The following IGF2R variants were observed in gnomAD, a reference collection of about 807,000 sequenced individuals.
IGF2R encodes cation-independent mannose-6-phosphate receptor.
Under a neutral mutation model 270.6 loss-of-function variants are expected in IGF2R, and 91 were observed. The ratio of observed to expected loss-of-function variants is 0.34; its 90% CI spans 0.28 to 0.40. The LOEUF is 0.40. Among genes scored for constraint, IGF2R ranks in the 10% least tolerant of loss-of-function variants. IGF2R has a pLI of 1.00. For synonymous variants in IGF2R, 1,316 were observed against 1,258.9 expected (o/e 1.05, Z -0.96); for missense variants, 2,805 against 3,188.3 (o/e 0.88, Z 2.90).
At chr6:159,974,603 G>A (rs748179692) in intron 1 of IGF2R, among the ~76,000 whole-genome samples, 1 of 152,144 alleles carries the variant, frequency 6.6e-6, no homozygotes, top group Non-Finnish European at 1.5e-5. Flanking sequence ...TAAAACTAGT[G>A]ACATTTGACC....
chr6:160,037,817 A>G (rs1478478675), intron 10 of IGF2R, among the ~76,000 whole-genome samples: 3 of 152,160 alleles, frequency 2.0e-5, no homozygotes, highest in Admixed American at 2.0e-4. Flanking sequence ...GCTCTGCTCC[A>G]TGTGGTCATT....
At chr6:159,990,933 C>T (rs9457801) in intron 1 of IGF2R, among the ~76,000 whole-genome samples, 55,983 of 152,054 alleles carry the variant, frequency 0.37, 11,210 homozygotes, top group East Asian at 0.69. Context: ...CAGCCAGATA[C>T]TTCTATTTTG....
At chr6:160,103,891 C>T in intron 47 of IGF2R, 76 bp downstream of exon 47, 2 of 997,918 alleles carry the variant, frequency 2.0e-6, no homozygotes, top group Admixed American at 1.8e-5. Flanking sequence ...TCGTTCTCAT[C>T]AGGGGTGCCA....
chr6:160,075,385 G>A (rs768916380), intron 35 of IGF2R, among the ~76,000 whole-genome samples: 4 of 152,192 alleles, frequency 2.6e-5, no homozygotes, highest in Non-Finnish European at 4.4e-5. Flanking sequence ...GCTGGGCCAC[G>A]TCAGTGGGCA....
chr6:160,000,622 A>G (rs1784112538), intron 2 of IGF2R, among the ~76,000 whole-genome samples: 1 of 151,998 alleles, frequency 6.6e-6, no homozygotes, highest in Admixed American at 6.6e-5. Context: ...GTTGAATCAT[A>G]GAGTGCTGGC....
intron 1 of IGF2R, among the ~76,000 whole-genome samples, chr6:159,980,531 G>A (rs138806685): frequency 1.3e-3 from 200 of 152,336 alleles, no homozygotes; most frequent in African/African-American, 4.6e-3. Flanking sequence ...TAGGCTTTGC[G>A]GAGCCTCTGC....
intron 31 of IGF2R, among the ~76,000 whole-genome samples, chr6:160,071,581 T>A (rs2297359): frequency 6.6e-6 from 1 of 152,168 alleles, no homozygotes; most frequent in South Asian, 2.1e-4. Flanking sequence ...TTTACACATT[T>A]GTGTCTCCCT....
intron 1 of IGF2R, among the ~76,000 whole-genome samples, chr6:159,978,548 C>T (rs981422056): frequency 1.3e-5 from 2 of 152,068 alleles, no homozygotes; most frequent in African/African-American, 4.8e-5. Flanking sequence ...TCCAGGCCTC[C>T]CTGGAGGGTG....
At chr6:160,086,141 A>AGG (rs1491544359) in intron 41 of IGF2R, among the ~76,000 whole-genome samples, 1 of 152,226 alleles carries the variant, frequency 6.6e-6, no homozygotes, top group Non-Finnish European at 1.5e-5. Context: ...TAGTGAACAC[A>AGG]GGGGGTGACA....
intron 2 of IGF2R, chr6:160,007,121 A>C (rs1784254521): frequency 6.7e-6 from 1 of 149,186 alleles, no homozygotes; most frequent in African/African-American, 2.5e-5. Flanking sequence ...TAATTTATCC[A>C]CTCTTCTGTT....
chr6:160,082,432 C>A (rs1779003763), intron 39 of IGF2R, among the ~76,000 whole-genome samples: 1 of 152,018 alleles, frequency 6.6e-6, no homozygotes, highest in Non-Finnish European at 1.5e-5. Flanking sequence ...GCCTCAGCCT[C>A]CCAAGTAGCT....
intron 4 of IGF2R, among the ~76,000 whole-genome samples, chr6:160,011,143 C>T (rs1042588566): frequency 3.5e-4 from 54 of 152,296 alleles, no homozygotes; most frequent in African/African-American, 1.2e-3. Context: ...CTGTTTCTGA[C>T]GCTGCCTGCT....
At position 160,044,615 on chromosome 6, in the gene IGF2R, G is replaced by A; in HGVS notation, c.1723G>A (p.Gly575Ser). ...SYSDGDDCGH[G>S]KKIKTNITLV... ...TTCAGATGGTGATGATTGTGGTCAT[G>A]GCAAGAAAATTAAAACTAATATCAC... Residue 575 changes from glycine to serine, a missense_variant, in exon 13 of 48, where the codon GGC becomes AGC. Gly to Ser is a moderately conservative substitution (Grantham distance 56). Coordinates refer to ENST00000356956, the MANE Select transcript of IGF2R (RefSeq NM_000876.4). The A allele has an allele frequency of 1.9e-6, 3 of 1,610,554 alleles. No homozygotes were observed. The South Asian group carries it at 3.3e-5, about 18-fold the overall frequency.
chr6:160,091,497 G>T (rs760024226), intron 44 of IGF2R, among the ~76,000 whole-genome samples: 3 of 152,218 alleles, frequency 2.0e-5, no homozygotes, highest in Non-Finnish European at 4.4e-5. Flanking sequence ...TGTAGACAGC[G>T]CCCTGGTGCA....
At chr6:160,029,048 A>T (rs1411727862) in intron 6 of IGF2R, among the ~76,000 whole-genome samples, 37 of 151,892 alleles carry the variant, frequency 2.4e-4, no homozygotes. Flanking sequence ...CAGTGGTGTG[A>T]TTTTGGTTCA....
intron 1 of IGF2R, among the ~76,000 whole-genome samples, chr6:159,978,287 G>T (rs1158347087): frequency 6.6e-6 from 1 of 152,064 alleles, no homozygotes; most frequent in African/African-American, 2.4e-5. Flanking sequence ...TTGCAGCCTT[G>T]AGGAGTCCTT....
chr6:160,079,985 C>G (rs1171584924), intron 38 of IGF2R, 144 bp from the exon 39 acceptor site: 4 of 1,092,222 alleles, frequency 3.7e-6, no homozygotes, highest in Non-Finnish European at 5.3e-6. Flanking sequence ...TCTCAGTTGC[C>G]TGGTGAGTTT....
chr6:159,989,380 TG>T (rs1783942170), intron 1 of IGF2R, among the ~76,000 whole-genome samples: 1 of 152,118 alleles, frequency 6.6e-6, no homozygotes, highest in Non-Finnish European at 1.5e-5. Flanking sequence ...AAGGAAGCTC[TG>T]GGAGGTGGAC....
Position 160,102,912 on chromosome 6 carries a change from C to T in IGF2R, c.6995+241C>T, listed in dbSNP as rs1273611223. On this transcript the variant is annotated intron_variant, in intron 46 of 47. Transcript: ENST00000356956. This position sits in a 1 kb window ranked among gnomAD's most constrained non-coding sequence, Gnocchi z 4.5. Reference sequence around the variant, plus strand: ...CACCCGTGCCTGCGGCTTCTAGGACCGTGGTCCTTTGTGTCCAAAGATGAG... The same window carrying T: ...CACCCGTGCCTGCGGCTTCTAGGACTGTGGTCCTTTGTGTCCAAAGATGAG... Among the ~76,000 whole-genome samples the T allele has an allele frequency of 1.3e-5, 2 of 152,178 alleles. No individual in the cohort carries two copies. The highest frequency in any genetic ancestry group is 1.5e-5 in the Non-Finnish European group (1 of 68,028).
Sources: allele counts gnomAD v4.1 joint callset (sites outside exome capture counted in the v4.1 genomes callset), GRCh38; gene constraint gnomAD v4.1.1; non-coding constraint Gnocchi (gnomAD v3.1); transcripts MANE v1.5; gene names NCBI Gene and HGNC (gene_info 2026-07-23, HGNC 2026-07-21).